The following TENM3 variants were observed in gnomAD, a reference collection of about 807,000 sequenced individuals.
TENM3 encodes teneurin transmembrane protein 3, also known as teneurin-3.
TENM3 carries 63 observed loss-of-function variants against 255.1 expected under a neutral mutation model. The ratio of observed to expected loss-of-function variants is 0.25; its 90% confidence interval spans 0.20 to 0.30. TENM3 has a LOEUF of 0.30. Ranked by LOEUF, TENM3 falls within the 10% of genes least tolerant of loss-of-function variation. The pLI, the probability that TENM3 is intolerant of heterozygous loss-of-function variation, is 1.00. For synonymous variants in TENM3, 1,306 were observed against 1,322.3 expected, an observed-to-expected ratio of 0.99 and a Z score of 0.27; for missense variants, 2,929 against 3,461.1, an observed-to-expected ratio of 0.85 and a Z score of 3.86.
chr4:181,945,534 G>C, the TENM3 span, among the ~76,000 whole-genome samples: 1 of 151,912 alleles, frequency 6.6e-6, no homozygotes. Context: ...TTGCCTGCCC[G>C]AGACTTCTTC....
At chr4:182,183,893 C>T (rs1752988788) in intron 1 of TENM3, among the ~76,000 whole-genome samples, 1 of 152,114 alleles carries the variant, frequency 6.6e-6, no homozygotes, top group Non-Finnish European at 1.5e-5. Flanking sequence ...TCTCAAATGT[C>T]TGAGTTTAGT....
chr4:181,885,887 A>G, the TENM3 span, among the ~76,000 whole-genome samples: 1 of 152,210 alleles, frequency 6.6e-6, no homozygotes, highest in Non-Finnish European at 1.5e-5. Flanking sequence ...TAATATTAAA[A>G]GCTAGTTAAT....
the TENM3 span, among the ~76,000 whole-genome samples, chr4:181,648,926 T>C: frequency 6.6e-6 from 1 of 152,204 alleles, no homozygotes; most frequent in Non-Finnish European, 1.5e-5. Context: ...GCGGTGATTA[T>C]AAACAACTGA....
At chr4:181,655,515 A>G in the TENM3 span, among the ~76,000 whole-genome samples, 2 of 152,220 alleles carry the variant, frequency 1.3e-5, no homozygotes, top group African/African-American at 4.8e-5. Flanking sequence ...CTGTTCACAT[A>G]GCCTACCACC....
chr4:181,455,310 A>G, the TENM3 span, among the ~76,000 whole-genome samples: 1 of 152,076 alleles, frequency 6.6e-6, no homozygotes, highest in Non-Finnish European at 1.5e-5. Context: ...GTTTAGAAGG[A>G]TAGACAATGA....
rs576603356 is a variant in TENM3 at position 182,584,826 on chromosome 4, G to T, written c.512-16098G>T. On this transcript the variant is annotated intron_variant, in intron 3 of 27. Coordinates refer to ENST00000511685, the MANE Select transcript of TENM3 (RefSeq NM_001080477.4). ...GGCTAATTTTTTTGTATTTTTAGTA[G>T]AGACAGGGTTTCTTCATGCTGTTCA... Among the ~76,000 whole-genome samples, 3 of 152,020 alleles carry T rather than the reference G, an allele frequency of 2.0e-5. No individual in the cohort carries two copies. In the East Asian group the frequency reaches 5.8e-4, roughly 29 times the overall value.
At chr4:182,004,098 AAAAAC>A in the TENM3 span, among the ~76,000 whole-genome samples, 6 of 152,074 alleles carry the variant, frequency 3.9e-5, no homozygotes, top group South Asian at 2.1e-4. Context: ...TTTCTTCTAA[AAAAAC>A]AAAACAAAAC....
chr4:182,557,942 C>T (rs1198592482), intron 3 of TENM3, among the ~76,000 whole-genome samples: 3 of 152,162 alleles, frequency 2.0e-5, no homozygotes, highest in African/African-American at 4.8e-5. Flanking sequence ...CAGTTGCAGT[C>T]CTAGTTTACT....
At chr4:181,458,594 C>T in the TENM3 span, among the ~76,000 whole-genome samples, 1 of 151,884 alleles carries the variant, frequency 6.6e-6, no homozygotes, top group Admixed American at 6.6e-5. Flanking sequence ...TCTTCTGGTC[C>T]AACCTTAATT....
intron 1 of TENM3, among the ~76,000 whole-genome samples, chr4:182,290,725 G>A (rs1039234096): frequency 3.3e-5 from 5 of 151,756 alleles, no homozygotes; most frequent in Admixed American, 6.6e-5. Context: ...GGATGGTCTC[G>A]ATCTCCTGAC....
chr4:182,775,534 A>C (rs1764622527), intron 24 of TENM3, among the ~76,000 whole-genome samples: 1 of 152,140 alleles, frequency 6.6e-6, no homozygotes, highest in African/African-American at 2.4e-5. Context: ...CACTGCCGCC[A>C]CCTGCATCCC....
chr4:182,461,536 A>G (rs1472779866), intron 3 of TENM3, among the ~76,000 whole-genome samples: 2 of 152,128 alleles, frequency 1.3e-5, no homozygotes, highest in Non-Finnish European at 1.5e-5. Flanking sequence ...AGCATAGAAA[A>G]CAATCACACA....
At chr4:182,004,663 A>G in the TENM3 span, among the ~76,000 whole-genome samples, 1 of 152,156 alleles carries the variant, frequency 6.6e-6, no homozygotes, top group Non-Finnish European at 1.5e-5. Context: ...GCCTTCCACA[A>G]TGGTTGAACT....
the TENM3 span, among the ~76,000 whole-genome samples, chr4:181,649,405 T>G: frequency 6.6e-6 from 1 of 152,242 alleles, no homozygotes; most frequent in African/African-American, 2.4e-5. Flanking sequence ...TTCTTTCTTT[T>G]TTCTCTGAGT....
At chr4:181,708,244 TA>T in the TENM3 span, among the ~76,000 whole-genome samples, 1 of 152,228 alleles carries the variant, frequency 6.6e-6, no homozygotes. Flanking sequence ...AATAGTGATT[TA>T]TAGATGTATT....
At chr4:182,379,574 T>C (rs1311554109) in intron 3 of TENM3, among the ~76,000 whole-genome samples, 9 of 149,764 alleles carry the variant, frequency 6.0e-5, no homozygotes, top group Non-Finnish European at 1.3e-4. Context: ...GAAGAGTCAC[T>C]GAAGATGTCT....
At chr4:181,685,637 C>G in the TENM3 span, among the ~76,000 whole-genome samples, 1 of 152,184 alleles carries the variant, frequency 6.6e-6, no homozygotes, top group Non-Finnish European at 1.5e-5. Context: ...AAGCCTGATT[C>G]ACACTGAATC....
At chr4:181,968,203 T>C in the TENM3 span, among the ~76,000 whole-genome samples, 4 of 152,160 alleles carry the variant, frequency 2.6e-5, no homozygotes, top group Non-Finnish European at 5.9e-5. Context: ...CCTCCTGTTA[T>C]GCTTCAGGAG....
chr4:182,791,251 T>G (rs944811492), intron 25 of TENM3, among the ~76,000 whole-genome samples: 2 of 152,216 alleles, frequency 1.3e-5, no homozygotes, highest in Non-Finnish European at 2.9e-5. Flanking sequence ...CTACAGAAGC[T>G]GAAGTCAGGC....
Sources: gnomAD v4.1 joint callset for allele counts (sites outside exome capture counted in the v4.1 genomes callset) on GRCh38, gnomAD v4.1.1 for gene constraint, MANE v1.5 for transcripts, NCBI Gene and HGNC (gene_info 2026-07-23, HGNC 2026-07-21) for gene names.